ATP10B: variants seen among roughly 807,000 people sequenced by gnomAD.
ATP10B encodes the protein phospholipid-transporting ATPase VB.
Under a neutral mutation model 141.2 loss-of-function variants are expected in ATP10B, and 122 were observed. That is an observed-to-expected ratio of 0.86 (90% CI 0.75 to 1.00). The LOEUF is 1.00. Among genes scored for constraint, ATP10B ranks in the 50% least tolerant of loss-of-function variants. The pLI, the probability that ATP10B is intolerant of heterozygous loss-of-function variation, is 0.00. For missense variants in ATP10B, 1,876 were observed against 1,825.3 expected (o/e 1.03, Z -0.51); for synonymous variants, 685 against 692.0 (o/e 0.99, Z 0.16).
At chr5:160,588,030 A>T (rs1756027143) in intron 24 of ATP10B, among the ~76,000 whole-genome samples, 1 of 151,988 alleles carries the variant, frequency 6.6e-6, no homozygotes, top group African/African-American at 2.4e-5. Flanking sequence ...TTGTATTTTT[A>T]GTAGAGATGG....
chr5:160,646,560 A>C (rs1760287016), intron 8 of ATP10B, among the ~76,000 whole-genome samples: 1 of 152,242 alleles, frequency 6.6e-6, no homozygotes, highest in South Asian at 2.1e-4. Flanking sequence ...GATAAAAATC[A>C]TAAAGGTGGT....
chr5:160,600,965 G>GT (rs143371873), intron 21 of ATP10B, among the ~76,000 whole-genome samples: 6,985 of 152,050 alleles, frequency 0.046, 259 homozygotes, highest in African/African-American at 0.1. Context: ...CTTTGAAAGC[G>GT]TGGCTGCTTG....
At chr5:160,814,232 TC>T (rs1290541939) in intron 1 of ATP10B, among the ~76,000 whole-genome samples, 1 of 151,074 alleles carries the variant, frequency 6.6e-6, no homozygotes, top group Non-Finnish European at 1.5e-5. Context: ...TTAAAAACCT[TC>T]AAAAAAAAAA....
the ATP10B span, among the ~76,000 whole-genome samples, chr5:160,886,211 T>C: frequency 6.6e-5 from 10 of 151,982 alleles, no homozygotes; most frequent in African/African-American, 1.5e-4. Context: ...AGAAACAAAG[T>C]GAGAGGTGGA....
intron 7 of ATP10B, among the ~76,000 whole-genome samples, chr5:160,660,289 C>T (rs1761819630): frequency 6.6e-6 from 1 of 152,100 alleles, no homozygotes; most frequent in African/African-American, 2.4e-5. Flanking sequence ...TAAAAGGAAC[C>T]AGATCTACCA....
At chr5:160,810,615 C>T (rs908058710) in intron 1 of ATP10B, among the ~76,000 whole-genome samples, 8 of 152,114 alleles carry the variant, frequency 5.3e-5, no homozygotes, top group Admixed American at 3.3e-4. Flanking sequence ...TTTCTAAATG[C>T]TTAAATTTTC....
chr5:160,569,758 T>A (rs1754762803), intron 24 of ATP10B, 75 bp from the exon 25 acceptor site: 1 of 1,210,138 alleles, frequency 8.3e-7, no homozygotes, highest in Non-Finnish European at 1.1e-6. Context: ...ACTACTTGAT[T>A]AACTTTGTTT....
chr5:160,843,190 A>C (rs1156605417), intron 1 of ATP10B, among the ~76,000 whole-genome samples: 1 of 152,150 alleles, frequency 6.6e-6, no homozygotes, highest in African/African-American at 2.4e-5. Context: ...CAACATAAAG[A>C]GGTTTAGAAA....
rs1229368610 is a variant in ATP10B at position 160,653,646 on chromosome 5, AT to A, written c.676-4391del. On this transcript the variant is annotated intron_variant, in intron 7 of 25. Coordinates refer to ENST00000327245, the MANE Select transcript of ATP10B (RefSeq NM_025153.3). ...ATTATATATACATATATACATATAT[AT>A]TATATATACATATATACATATATAT... Among the ~76,000 whole-genome samples, 11 of 50,976 alleles carry A rather than the reference AT, an allele frequency of 2.2e-4. No homozygotes were observed. In the East Asian group the frequency reaches 5.9e-3, roughly 27 times the overall value. The allele number at this position is 50,976 out of a possible 152,430, so 33.4% of individuals were successfully genotyped here.
intron 2 of ATP10B, among the ~76,000 whole-genome samples, chr5:160,760,172 C>T (rs1342719101): frequency 6.6e-6 from 1 of 152,174 alleles, no homozygotes; most frequent in Non-Finnish European, 1.5e-5. Flanking sequence ...CCTTGATACC[C>T]TCAGAATATA....
intron 24 of ATP10B, among the ~76,000 whole-genome samples, chr5:160,575,397 A>T (rs1433271492): frequency 6.6e-6 from 1 of 152,078 alleles, no homozygotes; most frequent in Non-Finnish European, 1.5e-5. Context: ...ATTTTTGAAA[A>T]ATACTGGAAT....
chr5:160,652,983 TAC>T (rs1242573151), intron 7 of ATP10B, among the ~76,000 whole-genome samples: 499 of 48,552 alleles, frequency 0.01, no homozygotes, highest in Non-Finnish European at 0.015. Flanking sequence ...AATATATACA[TAC>T]ATATTTATAT....
At chr5:160,699,024 C>A (rs1764530315) in intron 3 of ATP10B, among the ~76,000 whole-genome samples, 2 of 152,180 alleles carry the variant, frequency 1.3e-5, no homozygotes, top group South Asian at 4.1e-4. Context: ...GTAGGGGTTG[C>A]CAAATAGCAA....
At chr5:160,663,265 T>C (rs967588235) in intron 7 of ATP10B, among the ~76,000 whole-genome samples, 12 of 152,168 alleles carry the variant, frequency 7.9e-5, no homozygotes, top group Non-Finnish European at 1.8e-4. Context: ...GAAATACCAT[T>C]TGACCCAGCC....
At chr5:160,774,189 C>T (rs1001319239) in intron 2 of ATP10B, among the ~76,000 whole-genome samples, 5 of 152,182 alleles carry the variant, frequency 3.3e-5, no homozygotes, top group African/African-American at 1.2e-4. Flanking sequence ...TGACATTGGT[C>T]TTCAGTTCTG....
At chr5:160,821,566 A>T (rs1426715500) in intron 1 of ATP10B, among the ~76,000 whole-genome samples, 1 of 152,030 alleles carries the variant, frequency 6.6e-6, no homozygotes, top group Non-Finnish European at 1.5e-5. Context: ...GCTTTTCCAA[A>T]CAAAAACAAC....
At chr5:160,724,251 C>CTTTTTT (rs35786358) in intron 2 of ATP10B, among the ~76,000 whole-genome samples, 1 of 107,070 alleles carries the variant, frequency 9.3e-6, no homozygotes, top group Non-Finnish European at 1.8e-5. Flanking sequence ...GCTATAATTC[C>CTTTTTT]TTTTTTTTTT....
chr5:160,579,166 CTCTTTAATTAGATCCCA>C (rs1755386038), intron 24 of ATP10B, among the ~76,000 whole-genome samples: 1 of 152,060 alleles, frequency 6.6e-6, no homozygotes, highest in Non-Finnish European at 1.5e-5. Context: ...TGTGCAGAAG[CTCTTTAATTAGATCCCA>C]TTTTCAATTT....
intron 24 of ATP10B, among the ~76,000 whole-genome samples, chr5:160,577,588 A>G (rs985244366): frequency 6.6e-6 from 1 of 152,180 alleles, no homozygotes; most frequent in Non-Finnish European, 1.5e-5. Flanking sequence ...AGGTTGGTAC[A>G]TAAGTAATCG....
Sources: gnomAD v4.1 joint callset for allele counts (sites outside exome capture counted in the v4.1 genomes callset) on GRCh38, gnomAD v4.1.1 for gene constraint, MANE v1.5 for transcripts, NCBI Gene and HGNC (gene_info 2026-07-23, HGNC 2026-07-21) for gene names.